Variants in METTL24 observed in about 807,000 individuals in gnomAD.
The protein encoded by METTL24 is probable methyltransferase-like protein 24.
In METTL24, 29 loss-of-function variants were observed where a neutral mutation model predicts 32.7. That is an observed-to-expected ratio of 0.89 (90% CI 0.66 to 1.21). The LOEUF (loss-of-function observed/expected upper bound fraction) is 1.21, where lower values mean the gene tolerates loss of function less well. METTL24 is among the 50% of genes most tolerant of loss of function. The pLI is 0.00. For missense variants in METTL24, 439 were observed against 468.1 expected, an observed-to-expected ratio of 0.94 and a Z score of 0.57; for synonymous variants, 163 against 179.5, an observed-to-expected ratio of 0.91 and a Z score of 0.73.
Position 110,284,678 on chromosome 6 carries a change from A to C in METTL24, c.786+14244T>G, listed in dbSNP as rs1771190422. On this transcript the variant is annotated intron_variant, in intron 4 of 4. Coordinates refer to ENST00000338882, the MANE Select transcript of METTL24 (RefSeq NM_001123364.3). The stretch of plus-strand genomic sequence containing the variant: ...TTATCATGTAGAATTACTTTGTTTT[A>C]CTGTTTTACCCACCAACACCACAAA... Among the ~76,000 whole-genome samples, 3 of 152,282 alleles carry C rather than the reference A, an allele frequency of 2.0e-5. No individual in the cohort carries two copies. In the South Asian group the frequency reaches 6.2e-4, roughly 32 times the overall value.
chr6:110,339,432 T>G (rs1772307740), intron 1 of METTL24, among the ~76,000 whole-genome samples: 2 of 152,218 alleles, frequency 1.3e-5, no homozygotes, highest in Admixed American at 6.5e-5. Context: ...AAAGGCTAGG[T>G]GCCATTTCTA....
intron 1 of METTL24, among the ~76,000 whole-genome samples, chr6:110,348,532 T>C (rs1772526237): frequency 6.6e-6 from 1 of 152,260 alleles, no homozygotes; most frequent in African/African-American, 2.4e-5. Context: ...CTAATCAGGA[T>C]TTTTAAGTGA....
intron 4 of METTL24, among the ~76,000 whole-genome samples, chr6:110,288,829 G>T (rs979184695): frequency 6.6e-6 from 1 of 152,144 alleles, no homozygotes; most frequent in African/African-American, 2.4e-5. Flanking sequence ...GGAACTCAAG[G>T]TGCTCCCCTG....
chr6:110,251,246 T>G (rs1482135288), intron 4 of METTL24, among the ~76,000 whole-genome samples: 1 of 152,224 alleles, frequency 6.6e-6, no homozygotes, highest in African/African-American at 2.4e-5. Context: ...AAAGCAATAT[T>G]ACTTTATCTA....
Position 110,245,055 on chromosome 6 carries a change from C to G in METTL24, c.*891G>C, listed in dbSNP as rs537650122. 6.6e-6 allele frequency among the ~76,000 whole-genome samples: 1 copy of G among 152,154 alleles called. No individual in the cohort carries two copies. Among genetic ancestry groups the G allele is most frequent in the East Asian group, 1.9e-4 (1 of 5,174 alleles). Reference sequence around the variant, plus strand: ...TACAATGGTTAATTTTATGTGTCAACTTAACTGGACTAAAGGGTGTCCAGA... The same window carrying G: ...TACAATGGTTAATTTTATGTGTCAAGTTAACTGGACTAAAGGGTGTCCAGA... On this transcript the variant is annotated 3_prime_UTR_variant, in exon 5 of 5. Coordinates refer to ENST00000338882, the MANE Select transcript of METTL24 (RefSeq NM_001123364.3).
rs1334710406 is a variant in METTL24 at position 110,322,833 on chromosome 6, A to G, written c.358T>C (p.Ser120Pro). 1.9e-6 allele frequency: 3 copies of G among 1,613,864 alleles called. No individual in the cohort carries two copies. The African/African-American group carries it at 4.0e-5, about 22-fold the overall frequency. The change falls in exon 2 of 5, where the codon TCT becomes CCT. Residue 120 changes from serine to proline, a missense_variant. By Grantham distance (74) the Ser-to-Pro change is moderately conservative (BLOSUM62 -1). Transcript: ENST00000338882. ...GCTTCTTCATCCAGGGACTGAGCAG[A>G]GCCTGCCCAAGGCTGGAGATCTATA... is the stretch of plus-strand genomic sequence containing the variant. ...WHIDLQPWAG[S>P]AQSLDEEAWR...
chr6:110,263,658 G>C (rs7758385), intron 4 of METTL24, among the ~76,000 whole-genome samples: 3 of 152,120 alleles, frequency 2.0e-5, no homozygotes, highest in African/African-American at 7.2e-5. Flanking sequence ...AGCCCGCATC[G>C]CCAAGTCAAT....
chr6:110,338,918 G>A (rs1448154002), intron 1 of METTL24, among the ~76,000 whole-genome samples: 2 of 152,160 alleles, frequency 1.3e-5, no homozygotes, highest in Non-Finnish European at 2.9e-5. Flanking sequence ...AGAAAAAGTA[G>A]TTGGTAAAGG....
intron 4 of METTL24, among the ~76,000 whole-genome samples, chr6:110,290,786 T>C (rs946212194): frequency 6.6e-6 from 1 of 152,154 alleles, no homozygotes; most frequent in East Asian, 1.9e-4. Flanking sequence ...ACTTAAGAAA[T>C]TGTCAACCTC....
intron 2 of METTL24, among the ~76,000 whole-genome samples, chr6:110,316,616 C>T (rs1236437653): frequency 6.6e-6 from 1 of 152,250 alleles, no homozygotes; most frequent in Non-Finnish European, 1.5e-5. Context: ...TATTCTAGGG[C>T]CAGGCATGGT....
At chr6:110,312,843 T>G (rs192442602) in intron 3 of METTL24, among the ~76,000 whole-genome samples, 374 of 152,254 alleles carry the variant, frequency 2.5e-3, no homozygotes, top group African/African-American at 8.8e-3. Flanking sequence ...AAGGAAAGAA[T>G]GAAGCAACAA....
intron 1 of METTL24, among the ~76,000 whole-genome samples, chr6:110,346,599 G>A (rs191091213): frequency 1.4e-3 from 202 of 148,492 alleles, no homozygotes; most frequent in Non-Finnish European, 2.6e-3. Flanking sequence ...CCACCTCCCC[G>A]GTTCAAGTGA....
At chr6:110,261,080 A>G (rs1476872285) in intron 4 of METTL24, among the ~76,000 whole-genome samples, 4 of 152,210 alleles carry the variant, frequency 2.6e-5, no homozygotes, top group Admixed American at 2.6e-4. Context: ...ATAACCAGCT[A>G]ACATCATAAT....
intron 4 of METTL24, among the ~76,000 whole-genome samples, chr6:110,259,171 C>T (rs943659029): frequency 7.9e-5 from 12 of 152,084 alleles, no homozygotes; most frequent in Non-Finnish European, 1.3e-4. Context: ...GGTGAGGCAT[C>T]GCCTCACCCG....
rs1771046914 is a variant in METTL24 at position 110,276,324 on chromosome 6, A to G, written c.786+22598T>C. ...AAATTAGCCAGGTGTGATGGTATGTACCTATAGTCCCAGCTACTCAGGAGG... is the reference window on the plus strand; with the variant it reads ...AAATTAGCCAGGTGTGATGGTATGTGCCTATAGTCCCAGCTACTCAGGAGG... On this transcript the variant is annotated intron_variant, in intron 4 of 4. Coordinates refer to ENST00000338882, the MANE Select transcript of METTL24 (RefSeq NM_001123364.3). Among the ~76,000 whole-genome samples the G allele has an allele frequency of 2.0e-5, 3 of 152,086 alleles. 1 individual carries two copies. Among genetic ancestry groups the G allele is most frequent in the Admixed American group, 2.0e-4 (3 of 15,262 alleles).
rs9481049 is a variant in METTL24, at chr6:110,265,098, G to A, written c.787-18838C>T. Reference sequence around the variant, plus strand: ...TAACAAACCTGCATGTTGTGCATATGTACCCTAAAACTTAAAGTATAATAA... The same window carrying A: ...TAACAAACCTGCATGTTGTGCATATATACCCTAAAACTTAAAGTATAATAA... On this transcript the variant is annotated intron_variant, in intron 4 of 4. Transcript: ENST00000338882. Among the ~76,000 whole-genome samples the A allele has an allele frequency of 1.4e-3, 208 of 148,918 alleles. 1 individual carries two copies. Among genetic ancestry groups the A allele is most frequent in the African/African-American group, 5.0e-3 (202 of 40,242 alleles).
intron 3 of METTL24, among the ~76,000 whole-genome samples, chr6:110,310,406 G>A (rs1364766362): frequency 1.3e-5 from 2 of 151,674 alleles, no homozygotes; most frequent in African/African-American, 2.4e-5. Context: ...CTTTATCTAC[G>A]ACTCTCATCC....
At chr6:110,288,239 T>C (rs1771258616) in intron 4 of METTL24, among the ~76,000 whole-genome samples, 1 of 152,076 alleles carries the variant, frequency 6.6e-6, no homozygotes, top group Admixed American at 6.5e-5. Context: ...CCAAGAGTGG[T>C]ACACACCTTG....
intron 1 of METTL24, among the ~76,000 whole-genome samples, chr6:110,334,713 C>T (rs1183452272): frequency 6.6e-6 from 1 of 152,176 alleles, no homozygotes; most frequent in East Asian, 1.9e-4. Context: ...TGCACGTAAC[C>T]GTGCAGGTAT....
Sources: allele counts gnomAD v4.1 joint callset (sites outside exome capture counted in the v4.1 genomes callset), GRCh38; gene constraint gnomAD v4.1.1; transcripts MANE v1.5; gene names NCBI Gene and HGNC (gene_info 2026-07-23, HGNC 2026-07-21).